Variants in TXNDC16 observed in about 807,000 individuals in gnomAD.
The protein encoded by TXNDC16 is thioredoxin domain-containing protein 16.
A neutral mutation model predicts 85.6 loss-of-function variants in TXNDC16; 74 were observed. The observed-to-expected ratio is 0.86, with a 90% CI of 0.72 to 1.05. TXNDC16 has a LOEUF of 1.05. Among genes scored for constraint, TXNDC16 ranks in the 50% least tolerant of loss-of-function variants. TXNDC16 has a pLI of 0.00. For missense variants in TXNDC16, 959 were observed against 947.0 expected (o/e 1.01, Z -0.17); for synonymous variants, 335 against 326.5 (o/e 1.03, Z -0.28).
At chr14:52,532,143 T>A (rs368046310) in intron 6 of TXNDC16, among the ~76,000 whole-genome samples, 1 of 150,638 alleles carries the variant, frequency 6.6e-6, no homozygotes, top group African/African-American at 2.4e-5. Flanking sequence ...AAAAGACAAA[T>A]GAAAAACTTG....
chr14:52,463,379 C>A (rs576076349), intron 16 of TXNDC16, among the ~76,000 whole-genome samples: 3 of 151,928 alleles, frequency 2.0e-5, no homozygotes, highest in South Asian at 4.2e-4. Context: ...GGAAGTTCTA[C>A]TATAGGTCCT....
At chr14:52,488,845 A>AAAAAAAAC (rs1421620777) in intron 11 of TXNDC16, among the ~76,000 whole-genome samples, 10 of 148,272 alleles carry the variant, frequency 6.7e-5, no homozygotes, top group Non-Finnish European at 1.3e-4. Flanking sequence ...AAAAAAAAAA[A>AAAAAAAAC]AAAACAAGTT....
At chr14:52,487,976 C>A (rs2036307738) in intron 12 of TXNDC16, among the ~76,000 whole-genome samples, 1 of 152,142 alleles carries the variant, frequency 6.6e-6, no homozygotes. Flanking sequence ...TTTACAAGTA[C>A]AAATATAACA....
chr14:52,454,957 T>C (rs1053584002), intron 18 of TXNDC16, among the ~76,000 whole-genome samples: 4 of 152,226 alleles, frequency 2.6e-5, no homozygotes, highest in Non-Finnish European at 5.9e-5. Flanking sequence ...AGCTACATTT[T>C]ATGCATGCAG....
chr14:52,529,704 T>A (rs1384306777), intron 6 of TXNDC16, among the ~76,000 whole-genome samples: 1 of 115,976 alleles, frequency 8.6e-6, no homozygotes, highest in African/African-American at 3.6e-5. Flanking sequence ...ATATATAATA[T>A]ATATAATGCC....
At chr14:52,493,216 T>TATATATACACACAC in intron 9 of TXNDC16, among the ~76,000 whole-genome samples, 2 of 115,998 alleles carry the variant, frequency 1.7e-5, no homozygotes, top group African/African-American at 7.1e-5. Flanking sequence ...TATATATATA[T>TATATATACACACAC]ACACACACAC....
At chr14:52,527,234 A>C (rs1376604668) in intron 6 of TXNDC16, among the ~76,000 whole-genome samples, 1 of 152,156 alleles carries the variant, frequency 6.6e-6, no homozygotes, top group African/African-American at 2.4e-5. Context: ...TCTGACTGGC[A>C]TCTCAGGTAG....
chr14:52,490,690 T>C, intron 10 of TXNDC16, 149 bp downstream of exon 10: 1 of 900,214 alleles, frequency 1.1e-6, no homozygotes, highest in Non-Finnish European at 1.6e-6. Flanking sequence ...TAAATGAATG[T>C]ACAGATTTTA....
At chr14:52,509,034 A>T (rs2036888689) in intron 9 of TXNDC16, among the ~76,000 whole-genome samples, 1 of 152,160 alleles carries the variant, frequency 6.6e-6, no homozygotes. Context: ...GTGCACATGT[A>T]CCCTAAAACT....
At chr14:52,516,263 C>T (rs1029559151) in intron 7 of TXNDC16, among the ~76,000 whole-genome samples, 2 of 152,164 alleles carry the variant, frequency 1.3e-5, no homozygotes, top group Non-Finnish European at 2.9e-5. Context: ...TAACACCTTC[C>T]TGTGAGAGGA....
At position 52,539,127 on chromosome 14, in the gene TXNDC16, G is replaced by T. The variant is rs534800986; in HGVS notation, c.244-1455C>A. ...TAAAAATATTTAGCTTTAGAACAAT[G>T]TAAGGTAGAGACAAGTTGAAAACTA... On this transcript the variant is annotated intron_variant, in intron 4 of 20. Transcript: ENST00000281741. 1.1e-4 allele frequency among the ~76,000 whole-genome samples: 17 copies of T among 152,278 alleles called. No individual in the cohort carries two copies. In the South Asian group the frequency reaches 3.5e-3, roughly 32 times the overall value.
chr14:52,480,019 A>C (rs948305673), intron 14 of TXNDC16, among the ~76,000 whole-genome samples: 1 of 152,170 alleles, frequency 6.6e-6, no homozygotes, highest in Admixed American at 6.5e-5. Context: ...CCTAATACTT[A>C]CAGCCAACTG....
intron 1 of TXNDC16, among the ~76,000 whole-genome samples, chr14:52,547,255 G>A (rs1387065847): frequency 6.6e-6 from 1 of 152,202 alleles, no homozygotes; most frequent in African/African-American, 2.4e-5. Flanking sequence ...ATGTGGCCAA[G>A]AGTAACAAAA....
chr14:52,499,459 A>G (rs2036605554), intron 9 of TXNDC16, among the ~76,000 whole-genome samples: 1 of 152,160 alleles, frequency 6.6e-6, no homozygotes, highest in Non-Finnish European at 1.5e-5. Flanking sequence ...AATTTTTTAA[A>G]TGGACAAAAG....
At chr14:52,476,285 C>T (rs72684235) in intron 14 of TXNDC16, among the ~76,000 whole-genome samples, 16,793 of 151,928 alleles carry the variant, frequency 0.11, 1,231 homozygotes, top group East Asian at 0.37. Context: ...AACTCACCCC[C>T]GCAAAAAAAT....
chr14:52,511,674 GCAAGCCTATAAC>G (rs1404496209), intron 8 of TXNDC16, among the ~76,000 whole-genome samples: 1 of 151,878 alleles, frequency 6.6e-6, no homozygotes. Context: ...TAGGTTATAG[GCAAGCCTATAAC>G]CTTTCTTCCA....
At chr14:52,493,029 C>A (rs1351849199) in intron 9 of TXNDC16, among the ~76,000 whole-genome samples, 4 of 151,854 alleles carry the variant, frequency 2.6e-5, no homozygotes, top group Non-Finnish European at 2.9e-5. Flanking sequence ...ATAATCCCAG[C>A]ACTTTGGGAG....
chr14:52,511,354 A>G lies in TXNDC16; in HGVS notation c.642T>C (p.Phe214=). 6.2e-7 allele frequency: 1 copy of G among 1,604,002 alleles called. No individual in the cohort carries two copies. The highest frequency in any genetic ancestry group is 8.5e-7 in the Non-Finnish European group (1 of 1,173,518). ...EDVEYAHLYF[F]HCKLVLDLTQ... is the part of the protein sequence containing the mutation. ...TCAAGTCCAAGACTAGTTTACAATG[A>G]AAAAAGTAGAGATGTGCATATTCCA... Residue 214 remains phenylalanine (F), a synonymous_variant, in exon 9 of 21, where the codon TTT becomes TTC. Transcript: ENST00000281741.
intron 4 of TXNDC16, among the ~76,000 whole-genome samples, chr14:52,539,173 C>T (rs2037772379): frequency 6.6e-6 from 1 of 152,034 alleles, no homozygotes; most frequent in Admixed American, 6.5e-5. Context: ...AGTGTTAAGT[C>T]CTATAAATAA....
Sources: allele counts gnomAD v4.1 joint callset (sites outside exome capture counted in the v4.1 genomes callset), GRCh38; gene constraint gnomAD v4.1.1; transcripts MANE v1.5; gene names NCBI Gene and HGNC (gene_info 2026-07-23, HGNC 2026-07-21).